Variants in NTRK3 observed in about 807,000 individuals in gnomAD.
The protein encoded by NTRK3 is NT-3 growth factor receptor.
In NTRK3, 24 loss-of-function variants were observed where a neutral mutation model predicts 91.7. That is an observed-to-expected ratio of 0.26 (90% CI 0.19 to 0.37). The LOEUF is 0.37. NTRK3 is among the 10% of genes least tolerant of loss of function. The pLI is 1.00. For missense variants in NTRK3, 880 were observed against 1,068.9 expected, an observed-to-expected ratio of 0.82 and a Z score of 2.46; for synonymous variants, 483 against 404.0, an observed-to-expected ratio of 1.20 and a Z score of -2.34.
chr15:87,894,548 A>T (rs961020822), intron 17 of NTRK3, among the ~76,000 whole-genome samples: 6 of 152,330 alleles, frequency 3.9e-5, no homozygotes, highest in Middle Eastern at 6.8e-3. Flanking sequence ...GGACATTTCC[A>T]GAAATAAATG....
chr15:88,053,820 C>G (rs1441113148), intron 13 of NTRK3, among the ~76,000 whole-genome samples: 7 of 152,138 alleles, frequency 4.6e-5, no homozygotes, highest in Non-Finnish European at 8.8e-5. Flanking sequence ...GTACAAATAC[C>G]TTATCAAAAT....
At chr15:88,157,998 C>A (rs2044077952) in intron 5 of NTRK3, among the ~76,000 whole-genome samples, 1 of 152,192 alleles carries the variant, frequency 6.6e-6, no homozygotes, top group African/African-American at 2.4e-5. Context: ...AAGGTCATGG[C>A]CTTTGGCACC....
At chr15:87,941,596 G>T (rs1175379360) in intron 14 of NTRK3, among the ~76,000 whole-genome samples, 2 of 152,080 alleles carry the variant, frequency 1.3e-5, no homozygotes, top group Non-Finnish European at 2.9e-5. Flanking sequence ...AAGATTATCT[G>T]GGGGAAACCC....
exon 19 of NTRK3, chr15:87,859,821 G>A (rs919117969): frequency 1.7e-5 from 3 of 178,354 alleles, no homozygotes; most frequent in East Asian, 9.3e-5. Context: ...GTCTACACAC[G>A]ATTTCATCAA....
intron 13 of NTRK3, among the ~76,000 whole-genome samples, chr15:88,088,864 C>T (rs2048747898): frequency 6.6e-6 from 1 of 152,126 alleles, no homozygotes; most frequent in African/African-American, 2.4e-5. Context: ...CTGTGTGACC[C>T]TGGGTAGGCT....
At chr15:87,876,915 T>A (rs1226048805) in exon 19 of NTRK3, 1 of 1,613,548 alleles carries the variant, frequency 6.2e-7, no homozygotes, top group East Asian at 2.2e-5. Context: ...AGAGTATGAA[T>A]TCATGACCAC....
At chr15:87,945,815 A>AC (rs1200332388) in intron 14 of NTRK3, among the ~76,000 whole-genome samples, 1 of 86,050 alleles carries the variant, frequency 1.2e-5, no homozygotes, top group African/African-American at 5.8e-5. Flanking sequence ...AAAAAAAAAA[A>AC]AAAAAAAAAA....
intron 17 of NTRK3, among the ~76,000 whole-genome samples, chr15:87,901,511 C>T (rs546931635): frequency 2.6e-4 from 40 of 152,194 alleles, no homozygotes; most frequent in Non-Finnish European, 4.6e-4. Flanking sequence ...GAAGCTCTGG[C>T]CTCCACCATA....
chr15:87,956,420 C>T lies in NTRK3; in HGVS notation c.1586-15667G>A, dbSNP rs200523434. 2.7e-4 allele frequency among the ~76,000 whole-genome samples: 41 copies of T among 152,270 alleles called. 1 individual carries two copies. In the East Asian group the frequency reaches 6.4e-3, roughly 24 times the overall value. ...TCCTGAGTAGCTGAGATTACAGGCACGTGCCACCACGCTCAGCTAATGTTT... is the reference window on the plus strand; with the variant it reads ...TCCTGAGTAGCTGAGATTACAGGCATGTGCCACCACGCTCAGCTAATGTTT... On this transcript the variant is annotated intron_variant, in intron 14 of 18. Coordinates refer to ENST00000394480, the Ensembl canonical transcript of NTRK3.
chr15:88,206,590 G>A (rs1229253834), intron 3 of NTRK3, among the ~76,000 whole-genome samples: 2 of 151,094 alleles, frequency 1.3e-5, no homozygotes, highest in Non-Finnish European at 2.9e-5. Flanking sequence ...CCCGGGAGGC[G>A]GAGCTTGCAG....
chr15:88,191,824 C>T (rs142276228), intron 3 of NTRK3, among the ~76,000 whole-genome samples: 19 of 152,370 alleles, frequency 1.2e-4, no homozygotes, highest in African/African-American at 3.1e-4. Flanking sequence ...TGGGAAGGAG[C>T]GCATGGGATC....
intron 3 of NTRK3, among the ~76,000 whole-genome samples, chr15:88,230,710 G>A (rs947238022): frequency 6.6e-6 from 1 of 152,198 alleles, no homozygotes; most frequent in Middle Eastern, 3.4e-3. Context: ...AGAAGAGTGG[G>A]GATGGGGAGA....
intron 14 of NTRK3, among the ~76,000 whole-genome samples, chr15:87,988,655 G>A (rs934825529): frequency 3.3e-5 from 5 of 152,280 alleles, no homozygotes; most frequent in African/African-American, 1.2e-4. Context: ...GTTTAGGGAA[G>A]ACGTTGATTT....
chr15:87,980,204 T>C (rs766326622), intron 14 of NTRK3, among the ~76,000 whole-genome samples: 3 of 152,226 alleles, frequency 2.0e-5, no homozygotes, highest in Non-Finnish European at 4.4e-5. Flanking sequence ...ATTTCCTTTC[T>C]GGCCATACAG....
intron 3 of NTRK3, among the ~76,000 whole-genome samples, chr15:88,211,961 A>G (rs908025373): frequency 4.6e-5 from 7 of 152,216 alleles, no homozygotes; most frequent in African/African-American, 1.7e-4. Flanking sequence ...CAATAAACCC[A>G]ATTTTGTAGA....
chr15:88,087,532 A>G (rs982826330), intron 13 of NTRK3, among the ~76,000 whole-genome samples: 2 of 152,202 alleles, frequency 1.3e-5, no homozygotes, highest in Non-Finnish European at 2.9e-5. Flanking sequence ...GAGTGTAGGC[A>G]GGAACATTAC....
chr15:88,121,414 G>A (rs2052691900), intron 13 of NTRK3, among the ~76,000 whole-genome samples: 1 of 152,150 alleles, frequency 6.6e-6, no homozygotes, highest in Non-Finnish European at 1.5e-5. Context: ...CCTTGTCTGG[G>A]CCTCGGTTTC....
intron 14 of NTRK3, among the ~76,000 whole-genome samples, chr15:87,964,964 G>A (rs1387038809): frequency 6.6e-6 from 1 of 152,164 alleles, no homozygotes; most frequent in Non-Finnish European, 1.5e-5. Context: ...GTTTGTGTGT[G>A]TGTATATGTG....
rs1421216737 is a variant in NTRK3, at chr15:88,240,462, G to A, written c.248+15444C>T. Among the ~76,000 whole-genome samples, 2 of 152,128 alleles carry A rather than the reference G, an allele frequency of 1.3e-5. No individual in the cohort carries two copies. The highest frequency in any genetic ancestry group is 6.5e-5 in the Admixed American group (1 of 15,268). On this transcript the variant is annotated intron_variant, in intron 3 of 18. Transcript: ENST00000394480. This position sits in a 1 kb window ranked among gnomAD's most constrained non-coding sequence, Gnocchi z 4.9. ...GATCTCAAACTCCACTGAGTCCCAA[G>A]GGCCCCTTCTACCCCACCCTCCTTA...
Sources: gnomAD v4.1 joint callset for allele counts (sites outside exome capture counted in the v4.1 genomes callset) on GRCh38, gnomAD v4.1.1 for gene constraint, Gnocchi (gnomAD v3.1) non-coding constraint, MANE v1.5 for transcripts, NCBI Gene and HGNC (gene_info 2026-07-23, HGNC 2026-07-21) for gene names.